The following CPLANE1 variants were observed in gnomAD, a reference collection of about 807,000 sequenced individuals.
The protein encoded by CPLANE1 is ciliogenesis and planar polarity effector complex subunit 1, also known as ciliogenesis and planar polarity effector 1.
Under a neutral mutation model 362.5 loss-of-function variants are expected in CPLANE1, and 263 were observed. The observed-to-expected ratio is 0.73, with a 90% CI of 0.66 to 0.80. The LOEUF (loss-of-function observed/expected upper bound fraction) is 0.80, where lower values mean the gene tolerates loss of function less well. Ranked by LOEUF, CPLANE1 falls within the 30% of genes least tolerant of loss-of-function variation. The pLI, the probability that CPLANE1 is intolerant of heterozygous loss-of-function variation, is 0.00. For missense variants in CPLANE1, 3,461 were observed against 3,793.4 expected, an observed-to-expected ratio of 0.91 and a Z score of 2.30; for synonymous variants, 1,212 against 1,302.6, an observed-to-expected ratio of 0.93 and a Z score of 1.50.
At chr5:37,084,129 C>T in the CPLANE1 span, among the ~76,000 whole-genome samples, 1 of 152,178 alleles carries the variant, frequency 6.6e-6, no homozygotes, top group Non-Finnish European at 1.5e-5. Context: ...TATTTTCAGC[C>T]TCCTCAAACA....
chr5:37,150,134 G>C (rs1561411919), intron 42 of CPLANE1, among the ~76,000 whole-genome samples: 1 of 152,118 alleles, frequency 6.6e-6, no homozygotes, highest in Non-Finnish European at 1.5e-5. Flanking sequence ...AAGCATCTGA[G>C]TGATCTTGAC....
At chr5:37,187,893 A>G (rs770926949) in intron 21 of CPLANE1, 51 bp from the exon 22 acceptor site, 1 of 1,270,484 alleles carries the variant, frequency 7.9e-7, no homozygotes, top group Admixed American at 2.1e-5. Context: ...ATGTACATTA[A>G]TATTATAACA....
In CPLANE1 at chr5:37,239,743, C is replaced by T; in HGVS notation, c.804G>A (p.Leu268=). 6.5e-7 allele frequency: 1 copy of T among 1,535,266 alleles called. No individual in the cohort carries two copies. Among genetic ancestry groups the T allele is most frequent in the Non-Finnish European group, 8.8e-7 (1 of 1,138,384 alleles). The stretch of plus-strand genomic sequence containing the variant: ...GGTCTTTCTGATTAAGAGTTACTGC[C>T]AGGGTAAGGCCATCTCTTGAAAAGG... ...ISAFSRDGLT[L]AVTLNQKDPK... Residue 268 remains leucine, a synonymous_variant, in exon 7 of 53, where the codon CTG becomes CTA. Coordinates refer to ENST00000651892, the MANE Select transcript of CPLANE1 (RefSeq NM_001384732.1).
chr5:37,205,232 T>C, intron 18 of CPLANE1, 83 bp downstream of exon 18: 1 of 874,538 alleles, frequency 1.1e-6, no homozygotes. Context: ...TGTTAATACA[T>C]TTGTAGACAT....
At chr5:37,111,188 T>G (rs1759179209) in intron 51 of CPLANE1, among the ~76,000 whole-genome samples, 1 of 150,774 alleles carries the variant, frequency 6.6e-6, no homozygotes, top group Non-Finnish European at 1.5e-5. Flanking sequence ...TGGCATGATC[T>G]CGGCTCACTG....
At chr5:37,185,146 C>G (rs906198803) in intron 24 of CPLANE1, 67 bp from the exon 25 acceptor site, 7 of 1,428,414 alleles carry the variant, frequency 4.9e-6, no homozygotes, top group Non-Finnish European at 6.6e-6. Context: ...ATAGGAGACC[C>G]AACTCTGGTC....
chr5:37,237,461 G>C (rs141814396), intron 8 of CPLANE1, among the ~76,000 whole-genome samples: 2 of 152,310 alleles, frequency 1.3e-5, no homozygotes, highest in East Asian at 3.9e-4. Flanking sequence ...CGGGAGGGGA[G>C]TGAGGGTTGA....
chr5:37,137,583 A>G (rs564319971), intron 46 of CPLANE1, among the ~76,000 whole-genome samples: 3 of 152,318 alleles, frequency 2.0e-5, no homozygotes, highest in East Asian at 3.9e-4. Flanking sequence ...ACAATTTATA[A>G]ACGAAAGAGG....
At chr5:37,242,941 G>T in intron 6 of CPLANE1, 72 bp downstream of exon 6, 1 of 991,692 alleles carries the variant, frequency 1.0e-6, no homozygotes, top group South Asian at 1.6e-5. Context: ...CAGTCTGGGT[G>T]ACACAGCAAG....
At chr5:37,094,755 C>T in the CPLANE1 span, among the ~76,000 whole-genome samples, 1 of 152,094 alleles carries the variant, frequency 6.6e-6, no homozygotes, top group African/African-American at 2.4e-5. Flanking sequence ...GGAGATATTA[C>T]AACTGATACC....
chr5:37,139,385 A>C lies in CPLANE1; in HGVS notation c.8633-15T>G, dbSNP rs368765405. On this transcript the variant is annotated splice_polypyrimidine_tract_variant and intron_variant, in intron 44 of 52. Transcript: ENST00000651892. ...GCTATTCATACCTAAAAAAAAAATC[A>C]TTATTAATAAAAATTTTGGGTTTTT... 2 of 1,138,588 alleles carry C rather than the reference A, an allele frequency of 1.8e-6. No individual in the cohort carries two copies. The highest frequency in any genetic ancestry group is 2.4e-6 in the Non-Finnish European group (2 of 823,944). 70.5% of individuals were successfully genotyped at this position (1,138,588 alleles called of 1,614,324 possible).
Position 37,170,345 on chromosome 5 carries a change from A to C in CPLANE1, c.6172-14T>G. The C allele has an allele frequency of 1.9e-6, 3 of 1,596,006 alleles. No homozygotes were observed. Among genetic ancestry groups the C allele is most frequent in the Non-Finnish European group, 2.6e-6 (3 of 1,170,914 alleles). ...GATCTGTTGCAGCTTGAATAAAACA[A>C]AAATTGAAGCGATATCTTAAAATAT... On this transcript the variant is annotated splice_polypyrimidine_tract_variant and intron_variant, in intron 32 of 52. Coordinates refer to ENST00000651892, the MANE Select transcript of CPLANE1 (RefSeq NM_001384732.1).
chr5:37,115,177 T>C (rs1041369313), intron 50 of CPLANE1, 128 bp from the exon 51 acceptor site: 9 of 650,058 alleles, frequency 1.4e-5, no homozygotes, highest in Admixed American at 1.1e-4. Context: ...CTGTTCACAG[T>C]AGGGGCCCAG....
At chr5:37,178,262 A>T (rs1781731009) in intron 29 of CPLANE1, among the ~76,000 whole-genome samples, 1 of 152,026 alleles carries the variant, frequency 6.6e-6, no homozygotes, top group Non-Finnish European at 1.5e-5. Context: ...ACTGCACTCC[A>T]GCCTGGGCAA....
At chr5:37,212,915 G>T (rs894176563) in intron 16 of CPLANE1, among the ~76,000 whole-genome samples, 2 of 152,220 alleles carry the variant, frequency 1.3e-5, no homozygotes, top group Non-Finnish European at 2.9e-5. Flanking sequence ...GGGAGGCTGA[G>T]GTGGTTAAGA....
chr5:37,230,956 T>C lies in CPLANE1; in HGVS notation c.1032A>G (p.Gln344=), dbSNP rs1376403526. The change falls in exon 9 of 53, where the codon CAA becomes CAG. Residue 344 remains glutamine (Q), a synonymous_variant. Coordinates refer to ENST00000651892, the MANE Select transcript of CPLANE1 (RefSeq NM_001384732.1). ...KRGSLVLLTC[Q]GELLTLITFG... ...ATGTAATTAATGTTAGCAATTCACCTTGGCAGGTCAATAAAACCAGAGAGC... is the reference window on the plus strand; with the variant it reads ...ATGTAATTAATGTTAGCAATTCACCCTGGCAGGTCAATAAAACCAGAGAGC... The C allele has an allele frequency of 1.9e-6, 3 of 1,551,170 alleles. No homozygotes were observed. The highest frequency in any genetic ancestry group is 2.4e-5 in the East Asian group (1 of 40,876).
At chr5:37,177,414 A>G (rs1781474383) in intron 30 of CPLANE1, among the ~76,000 whole-genome samples, 3 of 152,266 alleles carry the variant, frequency 2.0e-5, no homozygotes, top group Non-Finnish European at 4.4e-5. Context: ...AAGGCATTTT[A>G]GATATCATTA....
the CPLANE1 span, among the ~76,000 whole-genome samples, chr5:37,080,348 G>A: frequency 2.6e-5 from 4 of 152,192 alleles, no homozygotes; most frequent in Non-Finnish European, 4.4e-5. Flanking sequence ...TGAGCTGAGC[G>A]GGGAGAGATC....
In CPLANE1 at chr5:37,118,863, A is replaced by G. The variant is rs552075544; in HGVS notation, c.9310+1353T>C. On this transcript the variant is annotated intron_variant, in intron 50 of 52. Transcript: ENST00000651892. ...AGAGTAGCTGGGACTACAGGCGCAC[A>G]CCACCACGCCCAGCTAATTTTAGTA... is the stretch of plus-strand genomic sequence containing the variant. Among the ~76,000 whole-genome samples the G allele has an allele frequency of 2.0e-5, 3 of 151,946 alleles. No homozygotes were observed. The South Asian group carries it at 6.2e-4, about 32-fold the overall frequency.
Sources: gnomAD v4.1 joint callset for allele counts (sites outside exome capture counted in the v4.1 genomes callset) on GRCh38, gnomAD v4.1.1 for gene constraint, MANE v1.5 for transcripts, NCBI Gene and HGNC (gene_info 2026-07-23, HGNC 2026-07-21) for gene names.